Variants in MYH14 observed in about 807,000 individuals in gnomAD.
MYH14 encodes myosin heavy chain 14.
Under a neutral mutation model 255.5 loss-of-function variants are expected in MYH14, and 123 were observed. That is an observed-to-expected ratio of 0.48 (90% CI 0.42 to 0.56). The LOEUF (loss-of-function observed/expected upper bound fraction) is 0.56, where lower values mean the gene tolerates loss of function less well. Ranked by LOEUF, MYH14 falls within the 20% of genes least tolerant of loss-of-function variation. The pLI, the probability that MYH14 is intolerant of heterozygous loss-of-function variation, is 0.00. For synonymous variants in MYH14, 1,095 were observed against 1,161.2 expected (o/e 0.94, Z 1.16); for missense variants, 2,423 against 2,802.3 (o/e 0.86, Z 3.06).
intron 36 of MYH14, 52 bp downstream of exon 36, chr19:50,291,100 CCAA>C: frequency 6.3e-7 from 1 of 1,577,034 alleles, no homozygotes; most frequent in South Asian, 1.1e-5. Context: ...TCTTCAAGCC[CCAA>C]CCATCACTCC....
Position 50,252,139 on chromosome 19 carries a change from G to A in MYH14, c.1831-500G>A, listed in dbSNP as rs919649629. Among the ~76,000 whole-genome samples, 5 of 152,216 alleles carry A rather than the reference G, an allele frequency of 3.3e-5. No homozygotes were observed. Among genetic ancestry groups the A allele is most frequent in the Non-Finnish European group, 5.9e-5 (4 of 68,042 alleles). ...CCTGTACCCAGCCCTCTGCTAGGCC[G>A]TGAGTCAGACCTGGGCCCTGCCCTC... On this transcript the variant is annotated intron_variant, in intron 15 of 42. Coordinates refer to ENST00000642316, the MANE Select transcript of MYH14 (RefSeq NM_001145809.2). The surrounding 1 kb of genome is among the most constrained non-coding windows in gnomAD (Gnocchi z 4.2).
Position 50,230,829 on chromosome 19 carries a change from G to A in MYH14, c.973+206G>A, listed in dbSNP as rs1795950638. 1.8e-6 allele frequency: 1 copy of A among 566,170 alleles called. No individual in the cohort carries two copies. 35.1% of individuals were successfully genotyped at this position (566,170 alleles called of 1,614,324 possible). ...TCTGCTGCGCTCTGGTTCCAGCTCT[G>A]TCCCGGGTCTGGCTCGCGCCCGCTG... On this transcript the variant is annotated intron_variant, in intron 9 of 42. Transcript: ENST00000642316. The surrounding 1 kb of genome is among the most constrained non-coding windows in gnomAD (Gnocchi z 4.7).
At position 50,251,561 on chromosome 19, in the gene MYH14, CACACACACAT is replaced by C. The variant is rs1292245797; in HGVS notation, c.1830+875_1830+884del. Among the ~76,000 whole-genome samples, 349 of 100,896 alleles carry C rather than the reference CACACACACAT, an allele frequency of 3.5e-3. 1 individual carries two copies. The highest frequency in any genetic ancestry group is 0.011 in the African/African-American group (299 of 26,346). The allele number at this position is 100,896 out of a possible 152,430, so 66.2% of individuals were successfully genotyped here. On this transcript the variant is annotated intron_variant, in intron 15 of 42. Coordinates refer to ENST00000642316, the MANE Select transcript of MYH14 (RefSeq NM_001145809.2). ...ACACACACACACACACACACACACA[CACACACACAT>C]ATATATATGTATTTTTTTTTATTTG...
chr19:50,256,069 A>G lies in MYH14; in HGVS notation c.2044+751A>G, dbSNP rs547576157. ...GAGGTGAGAGGATCACTTGAGGACA[A>G]GAGTTTGAGATTAGCCTGAGCAACA... On this transcript the variant is annotated intron_variant, in intron 17 of 42. Coordinates refer to ENST00000642316, the MANE Select transcript of MYH14 (RefSeq NM_001145809.2). Among the ~76,000 whole-genome samples, 10 of 151,944 alleles carry G rather than the reference A, an allele frequency of 6.6e-5. No homozygotes were observed. The East Asian group carries it at 1.9e-3, about 29-fold the overall frequency.
chr19:50,276,186 C>T lies in MYH14; in HGVS notation c.3663C>T (p.Asn1221=), dbSNP rs78573213. The change falls in exon 28 of 43, where the codon AAC becomes AAT. Residue 1221 remains asparagine, a synonymous_variant. Transcript: ENST00000642316. This position sits in a 1 kb window ranked among gnomAD's most constrained non-coding sequence, Gnocchi z 4.3. ...TGGAGGACACGCTGGACTCCACCAACGCACAGCAGGAGCTCCGGTGAGGCC... is the reference window on the plus strand; with the variant it reads ...TGGAGGACACGCTGGACTCCACCAATGCACAGCAGGAGCTCCGGTGAGGCC... The part of the protein sequence containing the change: ...GELEDTLDST[N]AQQELRSKRE... 4,965 of 1,546,934 alleles carry T rather than the reference C, an allele frequency of 3.2e-3. 56 individuals are homozygous for T. The highest frequency in any genetic ancestry group is 0.022 in the African/African-American group (1,607 of 73,186).
In MYH14 at chr19:50,261,655, C is replaced by T; in HGVS notation, c.2585+20C>T. Reference sequence around the variant, plus strand: ...TCGCAGGTGGGCAGCCACGCTGTCTCCCGGGGTCCTGTTGGCCGAGACTGG... The same window carrying T: ...TCGCAGGTGGGCAGCCACGCTGTCTTCCGGGGTCCTGTTGGCCGAGACTGG... On this transcript the variant is annotated intron_variant, in intron 21 of 42. Transcript: ENST00000642316. 1 of 1,571,164 alleles carries T rather than the reference C, an allele frequency of 6.4e-7. No homozygotes were observed.
At position 50,266,728 on chromosome 19, in the gene MYH14, G is replaced by T; in HGVS notation, c.2695-149G>T. The T allele has an allele frequency of 1.1e-6, 1 of 925,532 alleles. No individual in the cohort carries two copies. The highest frequency in any genetic ancestry group is 1.7e-6 in the Non-Finnish European group (1 of 602,792). 57.3% of individuals were successfully genotyped at this position (925,532 alleles called of 1,614,324 possible). On this transcript the variant is annotated intron_variant, in intron 22 of 42. Coordinates refer to ENST00000642316, the MANE Select transcript of MYH14 (RefSeq NM_001145809.2). This position sits in a 1 kb window ranked among gnomAD's most constrained non-coding sequence, Gnocchi z 4.1. Reference sequence around the variant, plus strand: ...CTTGCCTGTACCTGTCAGTGTTCTAGGCCTGTGACCAGGGACTGTTGCCAA... The same window carrying T: ...CTTGCCTGTACCTGTCAGTGTTCTATGCCTGTGACCAGGGACTGTTGCCAA...
rs2033428797 is a variant in MYH14 at position 50,232,123 on chromosome 19, G to A, written c.1114+53G>A. 10 of 1,598,566 alleles carry A rather than the reference G, an allele frequency of 6.3e-6. No homozygotes were observed. The Admixed American group carries it at 1.2e-4, about 19-fold the overall frequency. On this transcript the variant is annotated intron_variant, in intron 10 of 42. Coordinates refer to ENST00000642316, the MANE Select transcript of MYH14 (RefSeq NM_001145809.2). ...TAGGGGGGAACCCCACGGAGAGCTG[G>A]GGACCTGGCCATTCATGCCCCGATC... is the stretch of plus-strand genomic sequence containing the variant.
chr19:50,293,443 G>T lies in MYH14; in HGVS notation c.5346-121G>T. 6.5e-7 allele frequency: 1 copy of T among 1,535,730 alleles called. No individual in the cohort carries two copies. The highest frequency in any genetic ancestry group is 2.4e-5 in the East Asian group (1 of 41,424). ...GGAGGTGGGCGGGGTTAACCTCGGG[G>T]CCCCTGGGGTGTGAGGCTGGGGAGA... On this transcript the variant is annotated intron_variant, in intron 38 of 42. Coordinates refer to ENST00000642316, the MANE Select transcript of MYH14 (RefSeq NM_001145809.2). This position sits in a 1 kb window ranked among gnomAD's most constrained non-coding sequence, Gnocchi z 4.1.
At position 50,292,495 on chromosome 19, in the gene MYH14, C is replaced by A. The variant is rs1027278764; in HGVS notation, c.5256+106C>A. The A allele has an allele frequency of 2.2e-5, 7 of 318,134 alleles. 1 individual carries two copies. The highest frequency in any genetic ancestry group is 4.2e-6 in the Non-Finnish European group (1 of 235,942). The allele number at this position is 318,134 out of a possible 1,614,324, so 19.7% of individuals were successfully genotyped here. A position where few individuals can be genotyped will look rare whatever the true frequency, so the allele number is the denominator to read the frequency against. ...CTGGGGAGGTGGGCGGGGCTAACCA[C>A]AGGGTCCCTGGATGTGAAGCTGGGG... On this transcript the variant is annotated intron_variant, in intron 37 of 42. Coordinates refer to ENST00000642316, the MANE Select transcript of MYH14 (RefSeq NM_001145809.2).
At chr19:50,302,911 A>G (rs1476854420) in intron 40 of MYH14, among the ~76,000 whole-genome samples, 2 of 152,058 alleles carry the variant, frequency 1.3e-5, no homozygotes, top group East Asian at 1.9e-4. Flanking sequence ...CAAAAAGAAA[A>G]AAAAAGAAAA....
rs75882805 is a variant in MYH14, at chr19:50,237,653, A to C, written c.1114+5583A>C. Among the ~76,000 whole-genome samples the C allele has an allele frequency of 9.0e-3, 1,364 of 152,194 alleles. 16 individuals carry two copies. Among genetic ancestry groups the C allele is most frequent in the African/African-American group, 0.029 (1,193 of 41,532 alleles). ...ATGAGCATTTTTTAAATTGCAGAGA[A>C]TCTACCTCGTCGCTGTCCACAGGGT... On this transcript the variant is annotated intron_variant, in intron 10 of 42. Transcript: ENST00000642316.
intron 26 of MYH14, 145 bp downstream of exon 26, chr19:50,272,117 C>G: frequency 9.2e-7 from 1 of 1,087,784 alleles, no homozygotes; most frequent in South Asian, 1.6e-5. Context: ...GTCCTCCCAG[C>G]TCTTGAGTTC....
At chr19:50,290,171 C>A (rs1042369715) in intron 35 of MYH14, among the ~76,000 whole-genome samples, 4 of 151,744 alleles carry the variant, frequency 2.6e-5, no homozygotes, top group Non-Finnish European at 4.4e-5. Flanking sequence ...CCCAACCCCT[C>A]CCCTATTTAC....
At chr19:50,215,486 C>T (rs773235230) in intron 2 of MYH14, among the ~76,000 whole-genome samples, 57 of 152,302 alleles carry the variant, frequency 3.7e-4, no homozygotes, top group Non-Finnish European at 6.8e-4. Context: ...GTGGCCACAC[C>T]CTACTGTGCT....
At chr19:50,224,045 T>TCCCCCCCCCCCCCCCCCCCCC in intron 5 of MYH14, 109 bp from the exon 6 acceptor site, 1 of 316,164 alleles carries the variant, frequency 3.2e-6, no homozygotes, top group South Asian at 3.6e-5. Context: ...CCAGTCCCCC[T>TCCCCCCCCCCCCCCCCCCCCC]TCCCCCACCC....
At chr19:50,239,771 G>A (rs1354767412) in intron 10 of MYH14, among the ~76,000 whole-genome samples, 2 of 151,846 alleles carry the variant, frequency 1.3e-5, no homozygotes, top group Admixed American at 6.6e-5. Flanking sequence ...GGATGGTCTC[G>A]ATCTCTTGAC....
At position 50,293,983 on chromosome 19, in the gene MYH14, G is replaced by A. The variant is rs887585326; in HGVS notation, c.5469+296G>A. On this transcript the variant is annotated intron_variant, in intron 39 of 42. Transcript: ENST00000642316. The surrounding 1 kb of genome is among the most constrained non-coding windows in gnomAD (Gnocchi z 4.1). ...AAAAGACTTTCTGCAGGAGTCATAA[G>A]AAAACATTTGGAAAAAGAGACATTT... 1.3e-5 allele frequency among the ~76,000 whole-genome samples: 2 copies of A among 152,176 alleles called. No homozygotes were observed. Among genetic ancestry groups the A allele is most frequent in the African/African-American group, 4.8e-5 (2 of 41,448 alleles).
chr19:50,246,880 T>C (rs1752873120), intron 11 of MYH14, 124 bp from the exon 12 acceptor site: 1 of 657,532 alleles, frequency 1.5e-6, no homozygotes, highest in East Asian at 2.7e-5. Flanking sequence ...GTAATGCCTC[T>C]CCTGGGAAAG....
Sources: gnomAD v4.1 joint callset for allele counts (sites outside exome capture counted in the v4.1 genomes callset) on GRCh38, gnomAD v4.1.1 for gene constraint, Gnocchi (gnomAD v3.1) non-coding constraint, MANE v1.5 for transcripts, NCBI Gene and HGNC (gene_info 2026-07-23, HGNC 2026-07-21) for gene names.